The following ADAMTS16 variants were observed in gnomAD, a reference collection of about 807,000 sequenced individuals.
ADAMTS16 encodes the protein ADAM metallopeptidase with thrombospondin type 1 motif 16.
A neutral mutation model predicts 145.8 loss-of-function variants in ADAMTS16; 94 were observed. The ratio of observed to expected loss-of-function variants is 0.64; its 90% CI spans 0.55 to 0.77. The LOEUF (loss-of-function observed/expected upper bound fraction) is 0.77, where lower values mean the gene tolerates loss of function less well. Ranked by LOEUF, ADAMTS16 falls within the 30% of genes least tolerant of loss-of-function variation. The pLI, the probability that ADAMTS16 is intolerant of heterozygous loss-of-function variation, is 0.00. For missense variants in ADAMTS16, 1,585 were observed against 1,591.5 expected (o/e 1.00, Z 0.07); for synonymous variants, 659 against 604.3 (o/e 1.09, Z -1.33).
chr5:5,147,692 AAAT>A (rs1274296202), intron 3 of ADAMTS16, among the ~76,000 whole-genome samples: 1 of 152,208 alleles, frequency 6.6e-6, no homozygotes, highest in Non-Finnish European at 1.5e-5. Context: ...CTCCCAAGAA[AAAT>A]AAGTCTTCCT....
chr5:5,302,206 G>T (rs1243652511), intron 18 of ADAMTS16, among the ~76,000 whole-genome samples: 2 of 152,180 alleles, frequency 1.3e-5, no homozygotes, highest in African/African-American at 4.8e-5. Context: ...TTGATCAAAG[G>T]TGATGCCACT....
Position 5,319,722 on chromosome 5 carries a change from C to T in ADAMTS16, c.*584C>T. The T allele has an allele frequency of 8.2e-6, 3 of 365,204 alleles. No homozygotes were observed. Among genetic ancestry groups the T allele is most frequent in the Non-Finnish European group, 5.3e-6 (1 of 187,844 alleles). The allele number at this position is 365,204 out of a possible 1,614,324, so 22.6% of individuals were successfully genotyped here. ...CAGGAACCTGGAGCCACCGCCGGAG[C>T]CAGCGTCATCTCTAGGGTCACTGGC... On this transcript the variant is annotated 3_prime_UTR_variant, in exon 23 of 23. Coordinates refer to ENST00000274181, the MANE Select transcript of ADAMTS16 (RefSeq NM_139056.4).
chr5:5,309,827 C>CAT (rs145309188), intron 21 of ADAMTS16, among the ~76,000 whole-genome samples: 4 of 146,878 alleles, frequency 2.7e-5, no homozygotes, highest in East Asian at 2.0e-4. Context: ...GTCATGTCCT[C>CAT]GTGTGTGTGT....
chr5:5,307,963 C>A (rs563662912), intron 21 of ADAMTS16, among the ~76,000 whole-genome samples: 2 of 152,192 alleles, frequency 1.3e-5, no homozygotes, highest in Admixed American at 6.5e-5. Context: ...AAGACCCGGT[C>A]GAAGCCTATT....
chr5:5,267,955 T>C (rs141379039), intron 18 of ADAMTS16, among the ~76,000 whole-genome samples: 190 of 152,116 alleles, frequency 1.2e-3, no homozygotes, highest in African/African-American at 4.3e-3. Context: ...CCTTAATAGG[T>C]GTTCGTAGGA....
intron 18 of ADAMTS16, among the ~76,000 whole-genome samples, chr5:5,278,831 T>C (rs760556764): frequency 1.3e-5 from 2 of 152,118 alleles, no homozygotes; most frequent in Non-Finnish European, 2.9e-5. Context: ...ACATAATGTA[T>C]TTTAAATGAT....
At chr5:5,206,346 A>C (rs1308902909) in intron 9 of ADAMTS16, among the ~76,000 whole-genome samples, 4 of 125,988 alleles carry the variant, frequency 3.2e-5, no homozygotes, top group Non-Finnish European at 6.5e-5. Flanking sequence ...GAATGGCGTG[A>C]ACCCGGGAGG....
rs1579361450 is a variant in ADAMTS16, at chr5:5,269,624, G to A, written c.2789+6841G>A. ...GCCCTCCCTCCCATCACAAAGGGCA[G>A]ATGGTCCCGAGCCTCTAGAGGAGCC... is the stretch of plus-strand genomic sequence containing the variant. On this transcript the variant is annotated intron_variant, in intron 18 of 22. Coordinates refer to ENST00000274181, the MANE Select transcript of ADAMTS16 (RefSeq NM_139056.4). The surrounding 1 kb of genome is among the most constrained non-coding windows in gnomAD (Gnocchi z 4.3). 2.0e-5 allele frequency among the ~76,000 whole-genome samples: 3 copies of A among 152,268 alleles called. No homozygotes were observed. In the East Asian group the frequency reaches 5.8e-4, roughly 29 times the overall value.
chr5:5,293,305 T>C (rs1739402836), intron 18 of ADAMTS16, among the ~76,000 whole-genome samples: 1 of 152,196 alleles, frequency 6.6e-6, no homozygotes, highest in African/African-American at 2.4e-5. Context: ...CCTTTCTCGG[T>C]TCCCTCATGC....
chr5:5,206,914 G>T (rs1224574801), intron 9 of ADAMTS16, among the ~76,000 whole-genome samples: 1 of 152,182 alleles, frequency 6.6e-6, no homozygotes, highest in African/African-American at 2.4e-5. Flanking sequence ...TGGATTATTG[G>T]CCTTTCTATA....
chr5:5,251,864 T>A (rs375536086), intron 17 of ADAMTS16, among the ~76,000 whole-genome samples: 1 of 152,150 alleles, frequency 6.6e-6, no homozygotes, highest in African/African-American at 2.4e-5. Flanking sequence ...TGCTTTTTTT[T>A]TCTTTTTTTT....
At chr5:5,185,648 A>G (rs1186153261) in intron 4 of ADAMTS16, among the ~76,000 whole-genome samples, 1 of 152,222 alleles carries the variant, frequency 6.6e-6, no homozygotes, top group East Asian at 1.9e-4. Context: ...GCAGGAAAAC[A>G]ATGCAAGCCA....
At position 5,318,885 on chromosome 5, in the gene ADAMTS16, T is replaced by G. The variant is rs1057261073; in HGVS notation, c.3560-138T>G. ...AATAATAGGTTCCACGGGACCCCCATCAGACCTGGGGGCTGCCTCTCTGCA... is the reference window on the plus strand; with the variant it reads ...AATAATAGGTTCCACGGGACCCCCAGCAGACCTGGGGGCTGCCTCTCTGCA... On this transcript the variant is annotated intron_variant, in intron 22 of 22. Coordinates refer to ENST00000274181, the MANE Select transcript of ADAMTS16 (RefSeq NM_139056.4). The G allele has an allele frequency of 6.3e-6, 4 of 633,730 alleles. No homozygotes were observed. The African/African-American group carries it at 7.3e-5, about 12-fold the overall frequency. The allele number at this position is 633,730 out of a possible 1,614,324, so 39.3% of individuals were successfully genotyped here.
rs1046036133 is a variant in ADAMTS16, at chr5:5,140,649, C to G, written c.73-15C>G. ...CCCCGCCGTCTCACCGCGATGTCGCCGCTGTTTTCCGCAGGCACCTGCGTG... is the reference window on the plus strand; with the variant it reads ...CCCCGCCGTCTCACCGCGATGTCGCGGCTGTTTTCCGCAGGCACCTGCGTG... On this transcript the variant is annotated splice_polypyrimidine_tract_variant and intron_variant, in intron 1 of 22. Coordinates refer to ENST00000274181, the MANE Select transcript of ADAMTS16 (RefSeq NM_139056.4). 7.1e-6 allele frequency: 11 copies of G among 1,539,806 alleles called. No individual in the cohort carries two copies. The highest frequency in any genetic ancestry group is 9.6e-6 in the Non-Finnish European group (11 of 1,147,222).
chr5:5,303,275 G>T lies in ADAMTS16; in HGVS notation c.2797G>T (p.Val933Leu). ...KVSACPPSWS[V>L]GNWSACSRTC... ...CTCTTTGTCCCTGCCCAGCTGGTCC[G>T]TGGGGAACTGGAGTGCCTGCAGTCG... The change falls in exon 19 of 23, where the codon GTG (valine) becomes TTG (leucine). Residue 933 changes from valine (V) to leucine (L), a missense_variant. Around this residue, in one of 3 missense-constraint regions of ADAMTS16, gnomAD observed 834 missense variants for 811.7 expected, o/e 1.03. Coordinates refer to ENST00000274181, the MANE Select transcript of ADAMTS16 (RefSeq NM_139056.4). The T allele has an allele frequency of 1.3e-6, 2 of 1,570,142 alleles. No homozygotes were observed. The highest frequency in any genetic ancestry group is 1.7e-6 in the Non-Finnish European group (2 of 1,155,300).
intron 18 of ADAMTS16, among the ~76,000 whole-genome samples, chr5:5,297,930 CTG>C (rs1739613337): frequency 6.6e-6 from 1 of 152,190 alleles, no homozygotes; most frequent in Non-Finnish European, 1.5e-5. Context: ...AATGAAGTGA[CTG>C]TCAAGTTGCA....
chr5:5,236,112 A>G (rs1258045212), intron 13 of ADAMTS16, among the ~76,000 whole-genome samples: 1 of 152,224 alleles, frequency 6.6e-6, no homozygotes, highest in African/African-American at 2.4e-5. Context: ...CTGACTGCCA[A>G]TCTTCAGTGA....
At chr5:5,305,131 A>C (rs1719351573) in intron 20 of ADAMTS16, among the ~76,000 whole-genome samples, 1 of 59,576 alleles carries the variant, frequency 1.7e-5, no homozygotes, top group Non-Finnish European at 3.5e-5. Context: ...ACCCCACACC[A>C]CACACACACA....
chr5:5,142,479 G>T (rs928641824), intron 2 of ADAMTS16: 2 of 152,234 alleles, frequency 1.3e-5, no homozygotes, highest in Admixed American at 6.5e-5. Context: ...ATTATAAATG[G>T]CTAATGTGTG....
Sources: allele counts gnomAD v4.1 joint callset (sites outside exome capture counted in the v4.1 genomes callset), GRCh38; gene constraint gnomAD v4.1.1; regional missense constraint gnomAD v4.1.1; non-coding constraint Gnocchi (gnomAD v3.1); transcripts MANE v1.5; gene names NCBI Gene and HGNC (gene_info 2026-07-23, HGNC 2026-07-21).